PTGER3: variants seen among roughly 807,000 people sequenced by gnomAD.
The protein encoded by PTGER3 is prostaglandin E receptor 3.
Under a neutral mutation model 34.7 loss-of-function variants are expected in PTGER3, and 22 were observed. The observed-to-expected ratio is 0.63, with a 90% confidence interval of 0.45 to 0.91. The LOEUF is 0.91. Among genes scored for constraint, PTGER3 ranks in the 40% least tolerant of loss-of-function variants. The pLI is 0.00. For missense variants in PTGER3, 468 were observed against 519.4 expected (o/e 0.90, Z 0.96); for synonymous variants, 241 against 230.1 (o/e 1.05, Z -0.43).
At position 70,928,999 on chromosome 1, in the gene PTGER3, A is replaced by G. The variant is rs544711083; in HGVS notation, c.*23+24764T>C. ...GACTTAAACAAAATTTCTGCTTGTT[A>G]TTTTGAACTAAGTCCTCCAGATCAG... On this transcript the variant is annotated intron_variant, in intron 4 of 4. Transcript: ENST00000370931. Among the ~76,000 whole-genome samples, 430 of 152,152 alleles carry G rather than the reference A, an allele frequency of 2.8e-3. 3 individuals carry two copies. Among genetic ancestry groups the G allele is most frequent in the African/African-American group, 0.01 (420 of 41,526 alleles).
intron 4 of PTGER3, among the ~76,000 whole-genome samples, chr1:70,869,682 T>G (rs1038024455): frequency 6.6e-6 from 1 of 152,226 alleles, no homozygotes; most frequent in Non-Finnish European, 1.5e-5. Flanking sequence ...TATGCAAGTT[T>G]GAAACCCAGC....
intron 4 of PTGER3, among the ~76,000 whole-genome samples, chr1:70,917,854 A>C (rs977231428): frequency 3.3e-5 from 5 of 152,134 alleles, no homozygotes; most frequent in African/African-American, 9.6e-5. Context: ...TCTTCCAATA[A>C]CTATCTACTT....
chr1:70,887,219 T>C lies in PTGER3; in HGVS notation c.*24-34360A>G, dbSNP rs374806118. Among the ~76,000 whole-genome samples, 141 of 152,310 alleles carry C rather than the reference T, an allele frequency of 9.3e-4. 1 individual carries two copies. The South Asian group carries it at 0.022, about 24-fold the overall frequency. The stretch of plus-strand genomic sequence containing the variant: ...CACTTTGGATCTTGTTGCATTTCCA[T>C]TGAAATTCTACAGAATACTGCTATC... On this transcript the variant is annotated intron_variant, in intron 4 of 4. Coordinates refer to the PTGER3 transcript ENST00000370931.
chr1:70,976,317 A>G (rs1210520890), intron 2 of PTGER3, among the ~76,000 whole-genome samples: 2 of 152,112 alleles, frequency 1.3e-5, no homozygotes, highest in Non-Finnish European at 2.9e-5. Context: ...AGCAAGAGTG[A>G]ACCCTAATGT....
chr1:71,008,392 A>G, intron 2 of PTGER3: 1 of 871,514 alleles, frequency 1.1e-6, no homozygotes, highest in Non-Finnish European at 1.4e-6. Flanking sequence ...GTATATGACT[A>G]AACTTATATA....
At chr1:70,955,002 T>C (rs573504043) in intron 2 of PTGER3, among the ~76,000 whole-genome samples, 1 of 152,294 alleles carries the variant, frequency 6.6e-6, no homozygotes, top group East Asian at 1.9e-4. Flanking sequence ...GAAGCTAAGA[T>C]TTTAGTCTCA....
At chr1:70,981,907 A>G (rs1207419048) in intron 2 of PTGER3, among the ~76,000 whole-genome samples, 4 of 152,016 alleles carry the variant, frequency 2.6e-5, no homozygotes. Context: ...TGCACCCTCC[A>G]TGCTGCCCCC....
chr1:71,028,178 C>T (rs900100505), intron 1 of PTGER3, among the ~76,000 whole-genome samples: 1 of 152,034 alleles, frequency 6.6e-6, no homozygotes, highest in African/African-American at 2.4e-5. Context: ...AGGAATGTGC[C>T]GGGGTTAGGG....
At chr1:70,873,184 A>G (rs1373550413) in intron 4 of PTGER3, among the ~76,000 whole-genome samples, 1 of 152,180 alleles carries the variant, frequency 6.6e-6, no homozygotes, top group Non-Finnish European at 1.5e-5. Flanking sequence ...TCCAGTTGTG[A>G]GGTAGGAAAA....
At chr1:70,885,200 T>C (rs1032041500) in intron 4 of PTGER3, among the ~76,000 whole-genome samples, 3 of 152,110 alleles carry the variant, frequency 2.0e-5, no homozygotes, top group Admixed American at 1.3e-4. Context: ...TTCTAAAGCT[T>C]CTCTGAGTTG....
At chr1:70,880,668 T>A (rs1646371009) in intron 4 of PTGER3, among the ~76,000 whole-genome samples, 1 of 144,712 alleles carries the variant, frequency 6.9e-6, no homozygotes, top group Admixed American at 7.2e-5. Flanking sequence ...CCAGCCTGAG[T>A]GAAAGAGCAA....
rs1491421864 is a variant in PTGER3, at chr1:70,935,693, A to ATATATATATATATATATT, written c.*23+18069_*23+18070insAATATATATATATATATA. Among the ~76,000 whole-genome samples, 103 of 140,728 alleles carry ATATATATATATATATATT rather than the reference A, an allele frequency of 7.3e-4. 1 individual carries two copies. The highest frequency in any genetic ancestry group is 2.6e-3 in the African/African-American group (103 of 38,914). The allele number at this position is 140,728 out of a possible 152,430, so 92.3% of individuals were successfully genotyped here. The stretch of plus-strand genomic sequence containing the variant: ...TATAAATATATATATATATATATAT[A>ATATATATATATATATATT]TGTTCTGCTTTCTGCCTTTTAAGCA... On this transcript the variant is annotated intron_variant, in intron 4 of 4. Transcript: ENST00000370931.
intron 2 of PTGER3, among the ~76,000 whole-genome samples, chr1:71,005,557 G>A (rs1452799549): frequency 6.6e-6 from 1 of 152,166 alleles, no homozygotes; most frequent in African/African-American, 2.4e-5. Flanking sequence ...TTCACTGAGA[G>A]CTTGCTGTTT....
intron 4 of PTGER3, chr1:70,862,252 G>C: frequency 1.2e-6 from 1 of 836,004 alleles, no homozygotes; most frequent in Non-Finnish European, 1.6e-6. Context: ...AACATACTAA[G>C]TAAAAAAAAA....
chr1:70,907,077 C>T (rs555227588), intron 4 of PTGER3, among the ~76,000 whole-genome samples: 1 of 152,298 alleles, frequency 6.6e-6, no homozygotes, highest in Non-Finnish European at 1.5e-5. Context: ...CATCAGTTCA[C>T]TAAATGTGAG....
chr1:70,992,120 C>A (rs1655534379), intron 2 of PTGER3, among the ~76,000 whole-genome samples: 1 of 152,140 alleles, frequency 6.6e-6, no homozygotes, highest in Non-Finnish European at 1.5e-5. Flanking sequence ...GTAATTTACC[C>A]TCAGTCACAC....
At chr1:70,899,603 G>A (rs1433378001) in intron 4 of PTGER3, among the ~76,000 whole-genome samples, 1 of 151,924 alleles carries the variant, frequency 6.6e-6, no homozygotes, top group Non-Finnish European at 1.5e-5. Flanking sequence ...CTTCTGCTTG[G>A]ATTTTACTCT....
intron 2 of PTGER3, among the ~76,000 whole-genome samples, chr1:70,979,250 AT>A (rs1320767236): frequency 2.0e-5 from 3 of 151,728 alleles, no homozygotes; most frequent in African/African-American, 7.3e-5. Flanking sequence ...TTTCTTCTAC[AT>A]TTTTTATATG....
chr1:70,897,080 T>C (rs1441092376), intron 4 of PTGER3, among the ~76,000 whole-genome samples: 1 of 152,140 alleles, frequency 6.6e-6, no homozygotes, highest in African/African-American at 2.4e-5. Context: ...GTCTGTGGAA[T>C]GCCTCTTCCT....
Sources: allele counts gnomAD v4.1 joint callset (sites outside exome capture counted in the v4.1 genomes callset), GRCh38; gene constraint gnomAD v4.1.1; transcripts MANE v1.5; gene names NCBI Gene and HGNC (gene_info 2026-07-23, HGNC 2026-07-21).